F13B: variants seen among roughly 807,000 people sequenced by gnomAD.
F13B encodes coagulation factor XIII B chain.
Under a neutral mutation model 79.8 loss-of-function variants are expected in F13B, and 58 were observed. The observed-to-expected ratio is 0.73, with a 90% CI of 0.59 to 0.90. F13B has a LOEUF of 0.90. Ranked by LOEUF, F13B falls within the 40% of genes least tolerant of loss-of-function variation. The pLI is 0.00. For missense variants in F13B, 773 were observed against 777.0 expected, an observed-to-expected ratio of 0.99 and a Z score of 0.06; for synonymous variants, 283 against 260.3, an observed-to-expected ratio of 1.09 and a Z score of -0.84.
rs370218942 is a variant in F13B at position 197,057,085 on chromosome 1, C to T, written c.1099G>A (p.Gly367Ser). 2.3e-5 allele frequency: 37 copies of T among 1,613,802 alleles called. No individual in the cohort carries two copies. The African/African-American group carries it at 2.5e-4, about 11-fold the overall frequency. ...TCATTCGATCCATGGAGAAGGTAGC[C>T]GCTTTTACATGCATATGTCACTTTA... ...GDKVTYACKS[G>S]YLLHGSNEIT... Residue 367 changes from glycine to serine, a missense_variant, in exon 7 of 12, where the codon GGC (glycine) becomes AGC (serine). Coordinates refer to ENST00000367412, the MANE Select transcript of F13B (RefSeq NM_001994.3).
At chr1:197,043,464 G>A (rs1269440710) in intron 10 of F13B, among the ~76,000 whole-genome samples, 1 of 151,972 alleles carries the variant, frequency 6.6e-6, no homozygotes, top group African/African-American at 2.4e-5. Flanking sequence ...AAGAATTTGG[G>A]GCTAAAAAAT....
intron 6 of F13B, 23 bp from the exon 7 acceptor site, chr1:197,057,221 G>A: frequency 1.9e-6 from 3 of 1,613,898 alleles, no homozygotes; most frequent in Non-Finnish European, 2.5e-6. Context: ...AGTTGAAAGA[G>A]AACTGACCAT....
Position 197,061,857 on chromosome 1 carries a change from T to C in F13B, c.378A>G (p.Gly126=), listed in dbSNP as rs750405004. The C allele has an allele frequency of 1.4e-5, 23 of 1,613,260 alleles. No homozygotes were observed. In the South Asian group the frequency reaches 2.4e-4, roughly 17 times the overall value. Residue 126 remains glycine (G), a synonymous_variant, in exon 3 of 12, where the codon GGA becomes GGG. Coordinates refer to ENST00000367412, the MANE Select transcript of F13B (RefSeq NM_001994.3). ...YGCASGYKTT[G]GKDEEVVQCL... ...ATTGAACCACTTCTTCATCCTTCCC[T>C]CCAGTGGTTTTGTACCCTGAAGCGC...
chr1:197,044,066 T>G (rs17514396), intron 10 of F13B, among the ~76,000 whole-genome samples: 6,422 of 151,230 alleles, frequency 0.042, 152 homozygotes, highest in African/African-American at 0.05. Flanking sequence ...TTTATATATA[T>G]ATAGAGAGAG....
At chr1:197,058,012 G>A (rs899132207) in intron 5 of F13B, among the ~76,000 whole-genome samples, 3 of 152,122 alleles carry the variant, frequency 2.0e-5, no homozygotes, top group African/African-American at 7.2e-5. Flanking sequence ...GATAGCCATC[G>A]ATGCAAGGAG....
intron 8 of F13B, among the ~76,000 whole-genome samples, chr1:197,055,429 G>C (rs1655606805): frequency 6.6e-6 from 1 of 151,936 alleles, no homozygotes; most frequent in Non-Finnish European, 1.5e-5. Flanking sequence ...ATTTCAGCTA[G>C]GAGAAAGACA....
At chr1:197,041,286 G>T (rs919839959) in intron 10 of F13B, among the ~76,000 whole-genome samples, 2 of 152,060 alleles carry the variant, frequency 1.3e-5, no homozygotes, top group African/African-American at 4.8e-5. Flanking sequence ...ATCAAGACTG[G>T]ATTAAGACGT....
At chr1:197,052,982 T>A in intron 8 of F13B, 148 bp from the exon 9 acceptor site, 2 of 566,820 alleles carry the variant, frequency 3.5e-6, no homozygotes, top group Non-Finnish European at 6.1e-6. Context: ...CATATATATA[T>A]AAGAAAATAT....
chr1:197,045,745 C>T (rs946293102), intron 10 of F13B, among the ~76,000 whole-genome samples: 1 of 152,186 alleles, frequency 6.6e-6, no homozygotes, highest in African/African-American at 2.4e-5. Context: ...TCCTGATGAA[C>T]ATCGATGTGA....
At chr1:197,039,856 C>A (rs1654972108) in intron 11 of F13B, among the ~76,000 whole-genome samples, 1 of 151,948 alleles carries the variant, frequency 6.6e-6, no homozygotes, top group Admixed American at 6.6e-5. Context: ...TAAAACAGGA[C>A]CACATGCACT....
intron 1 of F13B, among the ~76,000 whole-genome samples, chr1:197,066,588 T>C (rs1212818289): frequency 8.5e-5 from 13 of 152,200 alleles, no homozygotes; most frequent in African/African-American, 3.1e-4. Context: ...CAGTTATTAA[T>C]AGAGCCCCTC....
chr1:197,066,333 T>C (rs2125077269), intron 1 of F13B, among the ~76,000 whole-genome samples: 1 of 152,318 alleles, frequency 6.6e-6, no homozygotes, highest in South Asian at 2.1e-4. Context: ...TTAGAAAAGC[T>C]GTATTGCTGT....
rs1356843456 is a variant in F13B at position 197,062,858 on chromosome 1, G to C, written c.264C>G (p.Phe88Leu). 6.2e-7 allele frequency: 1 copy of C among 1,613,512 alleles called. No individual in the cohort carries two copies. The highest frequency in any genetic ancestry group is 8.5e-7 in the Non-Finnish European group (1 of 1,179,670). The change falls in exon 2 of 12, where the codon TTC (phenylalanine) becomes TTG (leucine). Residue 88 changes from phenylalanine to leucine, a missense_variant and splice_region_variant. Coordinates refer to ENST00000367412, the MANE Select transcript of F13B (RefSeq NM_001994.3). ...TEGWSPEPRC[F>L]KKCTKPDLSN... ...GAGTGACATATCCAGCTGACTTACT[G>C]AAGCACCTTGGCTCTGGAGACCAGC...
intron 10 of F13B, among the ~76,000 whole-genome samples, chr1:197,045,826 T>A (rs1477926888): frequency 2.6e-5 from 4 of 152,176 alleles, no homozygotes; most frequent in Admixed American, 2.0e-4. Flanking sequence ...ACGATCAAGA[T>A]GGCTTCATCC....
chr1:197,052,514 T>C (rs1194129953), intron 9 of F13B, 120 bp downstream of exon 9: 3 of 685,186 alleles, frequency 4.4e-6, no homozygotes, highest in Non-Finnish European at 7.1e-6. Context: ...TAAAATAAAA[T>C]AAAACAAAAT....
rs1432576774 is a variant in F13B at position 197,057,440 on chromosome 1, T to C, written c.831A>G (p.Pro277=). ...CEGRRNRCPP[P]PLPINSKIQT... ...GAATTTTGGAGTTTATGGGCAGAGG[T>C]GGAGGAGGACATCTGTTTCTTCTTC... Residue 277 remains proline, a synonymous_variant, in exon 6 of 12, where the codon CCA becomes CCG. Transcript: ENST00000367412. The C allele has an allele frequency of 5.0e-6, 8 of 1,613,826 alleles. No individual in the cohort carries two copies. Among genetic ancestry groups the C allele is most frequent in the Non-Finnish European group, 5.9e-6 (7 of 1,179,852 alleles).
chr1:197,059,354 A>G (rs1655761634), intron 5 of F13B, among the ~76,000 whole-genome samples: 1 of 152,198 alleles, frequency 6.6e-6, no homozygotes, highest in African/African-American at 2.4e-5. Context: ...CAGTGCATTT[A>G]GGGAATTATG....
intron 9 of F13B, 96 bp from the exon 10 acceptor site, chr1:197,050,975 A>G (rs1222227564): frequency 9.6e-7 from 1 of 1,043,324 alleles, no homozygotes; most frequent in Admixed American, 1.9e-5. Flanking sequence ...TCTGTCACCC[A>G]GGCTGGAGTA....
At chr1:197,055,608 C>G (rs532378392) in intron 8 of F13B, 107 bp downstream of exon 8, 8 of 1,220,604 alleles carry the variant, frequency 6.6e-6, no homozygotes, top group East Asian at 4.7e-5. Flanking sequence ...AGAGAAAACA[C>G]TTGTGAAAAA....
Sources: gnomAD v4.1 joint callset for allele counts (sites outside exome capture counted in the v4.1 genomes callset) on GRCh38, gnomAD v4.1.1 for gene constraint, MANE v1.5 for transcripts, NCBI Gene and HGNC (gene_info 2026-07-23, HGNC 2026-07-21) for gene names.